The following DHX8 variants were observed in gnomAD, a reference collection of about 807,000 sequenced individuals.
DHX8 encodes ATP-dependent RNA helicase DHX8.
Under a neutral mutation model 140.7 loss-of-function variants are expected in DHX8, and 67 were observed. The ratio of observed to expected loss-of-function variants is 0.48; its 90% CI spans 0.39 to 0.58. The LOEUF (loss-of-function observed/expected upper bound fraction) is 0.58, where lower values mean the gene tolerates loss of function less well. Ranked by LOEUF, DHX8 falls within the 20% of genes least tolerant of loss-of-function variation. The pLI is 0.00. For synonymous variants in DHX8, 533 were observed against 553.2 expected (o/e 0.96, Z 0.51); for missense variants, 887 against 1,550.7 (o/e 0.57, Z 7.19).
intron 8 of DHX8, among the ~76,000 whole-genome samples, chr17:43,494,309 A>G (rs909340402): frequency 3.3e-5 from 5 of 152,196 alleles, no homozygotes; most frequent in African/African-American, 1.2e-4. Flanking sequence ...GGGTGGGGAC[A>G]CAGCCAAACC....
chr17:43,521,720 C>T (rs1970384006), intron 21 of DHX8, among the ~76,000 whole-genome samples, 155 bp downstream of exon 21: 1 of 152,050 alleles, frequency 6.6e-6, no homozygotes. Context: ...TGTTATATTC[C>T]TTCTCCCCAA....
chr17:43,487,369 T>A (rs901843609), intron 1 of DHX8, among the ~76,000 whole-genome samples: 1 of 152,226 alleles, frequency 6.6e-6, no homozygotes, highest in Non-Finnish European at 1.5e-5. Context: ...GTCATCTAGA[T>A]CTTTCATGTT....
At chr17:43,490,495 T>C (rs747263138) in intron 3 of DHX8, 32 bp downstream of exon 3, 1 of 1,551,162 alleles carries the variant, frequency 6.4e-7, no homozygotes, top group African/African-American at 1.4e-5. Flanking sequence ...GCTTAGCTTC[T>C]AGAATGGTGT....
At chr17:43,506,003 GTGTGTGTGTGTGTA>G (rs1158762489) in intron 12 of DHX8, among the ~76,000 whole-genome samples, 1 of 151,726 alleles carries the variant, frequency 6.6e-6, no homozygotes, top group African/African-American at 2.4e-5. Flanking sequence ...AGAGATTTGT[GTGTGTGTGTGTGTA>G]TGTGTGTGTG....
At position 43,489,460 on chromosome 17, in the gene DHX8, A is replaced by T; in HGVS notation, c.160A>T (p.Ile54Phe). ...INDKDLAEFVISLAEKNTTFD... is the reference protein window; with the variant it reads ...INDKDLAEFVFSLAEKNTTFD... ...TTTCTTATTTGCAGCTGAATTTGTG[A>T]TCAGTCTTGCTGAGAAAAATACCAC... The change falls in exon 2 of 23, where the codon ATC becomes TTC. Residue 54 changes from isoleucine to phenylalanine, a missense_variant. By Grantham distance (21) the Ile-to-Phe change is conservative. Coordinates refer to ENST00000262415, the MANE Select transcript of DHX8 (RefSeq NM_004941.3). 6.2e-7 allele frequency: 1 copy of T among 1,605,904 alleles called. No individual in the cohort carries two copies. Among genetic ancestry groups the T allele is most frequent in the Non-Finnish European group, 8.5e-7 (1 of 1,177,022 alleles).
chr17:43,494,607 G>C (rs772749051), intron 8 of DHX8, among the ~76,000 whole-genome samples: 18 of 150,436 alleles, frequency 1.2e-4, no homozygotes, highest in Non-Finnish European at 1.9e-4. Flanking sequence ...TATAATCCCA[G>C]CTACTCACGA....
intron 16 of DHX8, among the ~76,000 whole-genome samples, chr17:43,509,006 G>A (rs1167577469): frequency 6.6e-6 from 1 of 152,180 alleles, no homozygotes; most frequent in Non-Finnish European, 1.5e-5. Context: ...TGTTTAGTAT[G>A]TGACCTCTCC....
chr17:43,538,638 AAGAATCTCCCTTGATCCCAG>A (rs1346741222), intron 3 of DHX8, among the ~76,000 whole-genome samples: 1 of 152,194 alleles, frequency 6.6e-6, no homozygotes, highest in Non-Finnish European at 1.5e-5. Context: ...TTATACAGCT[AAGAATCTCCCTTGATCCCAG>A]AGTCTTGGCC....
At chr17:43,516,624 T>C (rs1970125865) in intron 17 of DHX8, among the ~76,000 whole-genome samples, 1 of 152,062 alleles carries the variant, frequency 6.6e-6, no homozygotes, top group Admixed American at 6.5e-5. Context: ...AATTTTTGTA[T>C]TTTTTGTAGA....
chr17:43,493,403 A>G (rs966794123), intron 6 of DHX8, 42 bp from the exon 7 acceptor site: 3 of 1,598,204 alleles, frequency 1.9e-6, no homozygotes, highest in South Asian at 1.1e-5. Context: ...TGGGGGAAAA[A>G]TATTTTTTGG....
At chr17:43,521,661 C>T (rs1970381375) in intron 21 of DHX8, 96 bp downstream of exon 21, 1 of 1,186,432 alleles carries the variant, frequency 8.4e-7, no homozygotes, top group South Asian at 1.5e-5. Flanking sequence ...CTATAGGCAC[C>T]TTTTCTCTTG....
chr17:43,490,302 C>G, intron 2 of DHX8, 89 bp from the exon 3 acceptor site: 2 of 967,832 alleles, frequency 2.1e-6, no homozygotes, highest in Admixed American at 2.1e-5. Context: ...GCGTAACCAC[C>G]CTTCCCTACA....
chr17:43,529,732 A>G (rs181718925), downstream of DHX8: 4 of 1,589,528 alleles, frequency 2.5e-6, no homozygotes, highest in African/African-American at 5.4e-5. Flanking sequence ...CCCCCAAGCA[A>G]CCGCCTCCCA....
intron 16 of DHX8, 75 bp downstream of exon 16, chr17:43,508,595 G>T: frequency 1.0e-6 from 1 of 1,003,018 alleles, no homozygotes; most frequent in Non-Finnish European, 1.5e-6. Flanking sequence ...CCATAGTAGG[G>T]ATTGCTTAGG....
At chr17:43,500,154 C>T in intron 11 of DHX8, 51 bp downstream of exon 11, 6 of 1,587,990 alleles carry the variant, frequency 3.8e-6, no homozygotes, top group Non-Finnish European at 5.2e-6. Context: ...CTGAGCCTTT[C>T]AGAACACAGG....
chr17:43,503,581 C>G (rs191749419), intron 11 of DHX8, among the ~76,000 whole-genome samples: 1 of 151,964 alleles, frequency 6.6e-6, no homozygotes, highest in African/African-American at 2.4e-5. Flanking sequence ...GGGAGGATTG[C>G]TTGAGCCCAG....
rs541177674 is a variant in DHX8 at position 43,524,136 on chromosome 17, A to G, written c.*289A>G. On this transcript the variant is annotated 3_prime_UTR_variant, in exon 23 of 23. Transcript: ENST00000262415. The stretch of plus-strand genomic sequence containing the variant: ...ACTTCAAGAAAGGGACAATTTGTGC[A>G]GCTCCAGGATGGGAAGGTGGAGTGG... 3.2e-5 allele frequency: 40 copies of G among 1,255,324 alleles called. No homozygotes were observed. In the African/African-American group the frequency reaches 5.5e-4, roughly 17 times the overall value. 77.8% of individuals were successfully genotyped at this position (1,255,324 alleles called of 1,614,324 possible). A position where few individuals can be genotyped will look rare whatever the true frequency, so the allele number is the denominator to read the frequency against.
chr17:43,520,949 A>T, intron 20 of DHX8, 70 bp downstream of exon 20: 1 of 1,274,366 alleles, frequency 7.8e-7, no homozygotes, highest in Non-Finnish European at 1.1e-6. Context: ...TTGCCATTCC[A>T]ATGCTTGATG....
In DHX8 at chr17:43,508,362, G is replaced by A; in HGVS notation, c.2344G>A (p.Gly782Ser). 6.2e-7 allele frequency: 1 copy of A among 1,606,470 alleles called. No homozygotes were observed. Among genetic ancestry groups the A allele is most frequent in the Non-Finnish European group, 8.5e-7 (1 of 1,173,414 alleles). The change falls in exon 16 of 23, where the codon GGT (glycine) becomes AGT (serine). Residue 782 changes from glycine (G) to serine (S), a missense_variant. Physicochemically the swap from Gly to Ser is moderately conservative, Grantham distance 56 (BLOSUM62 0). Coordinates refer to ENST00000262415, the MANE Select transcript of DHX8 (RefSeq NM_004941.3). ...PPGDILVFLT[G>S]QEEIDTACEI... ...AGGTGATATCCTGGTCTTCCTGACT[G>A]GTCAGGAAGAAATTGATACTGCTTG...
Sources: allele counts gnomAD v4.1 joint callset (sites outside exome capture counted in the v4.1 genomes callset), GRCh38; gene constraint gnomAD v4.1.1; transcripts MANE v1.5; gene names NCBI Gene and HGNC (gene_info 2026-07-23, HGNC 2026-07-21).